ASAP2: variants seen among roughly 807,000 people sequenced by gnomAD.
ASAP2 encodes the protein arf-GAP with SH3 domain, ANK repeat and PH domain-containing protein 2.
Under a neutral mutation model 131.4 loss-of-function variants are expected in ASAP2, and 45 were observed. The ratio of observed to expected loss-of-function variants is 0.34; its 90% CI spans 0.27 to 0.44. ASAP2 has a LOEUF of 0.44. Ranked by LOEUF, ASAP2 falls within the 20% of genes least tolerant of loss-of-function variation. The pLI, the probability that ASAP2 is intolerant of heterozygous loss-of-function variation, is 1.00. For synonymous variants in ASAP2, 510 were observed against 503.0 expected (o/e 1.01, Z -0.19); for missense variants, 1,011 against 1,297.0 (o/e 0.78, Z 3.39).
In ASAP2 at chr2:9,404,813, G is replaced by A. The variant is rs1261035742; in HGVS notation, c.*1486G>A. Reference sequence around the variant, plus strand: ...AGAACAAACTGGAATGTTTTATGATGTTGTATAGCAATCGCTTTTTACCTT... The same window carrying A: ...AGAACAAACTGGAATGTTTTATGATATTGTATAGCAATCGCTTTTTACCTT... On this transcript the variant is annotated 3_prime_UTR_variant, in exon 28 of 28. Transcript: ENST00000281419. 2 of 151,632 alleles carry A rather than the reference G, an allele frequency of 1.3e-5. No homozygotes were observed. The highest frequency in any genetic ancestry group is 2.0e-4 in the East Asian group (1 of 5,124). 9.4% of individuals were successfully genotyped at this position (151,632 alleles called of 1,614,324 possible).
At position 9,395,594 on chromosome 2, in the gene ASAP2, C is replaced by T. The variant is rs1305230969; in HGVS notation, c.2684+1947C>T. Among the ~76,000 whole-genome samples the T allele has an allele frequency of 6.6e-3, 388 of 58,560 alleles. 1 individual carries two copies. Among genetic ancestry groups the T allele is most frequent in the Middle Eastern group, 0.028 (2 of 72 alleles). The allele number at this position is 58,560 out of a possible 152,430, so 38.4% of individuals were successfully genotyped here. On this transcript the variant is annotated intron_variant, in intron 24 of 27. Transcript: ENST00000281419. ...GTTTTGTTTTTCTTGTGTTTTTTTT[C>T]TTTTTTTTTTTTTTTTTTTTTTTTT...
At chr2:9,289,476 A>G (rs894163959) in intron 2 of ASAP2, among the ~76,000 whole-genome samples, 2 of 152,190 alleles carry the variant, frequency 1.3e-5, no homozygotes, top group African/African-American at 4.8e-5. Flanking sequence ...GAAGCACACA[A>G]TGAATGAATA....
At position 9,237,412 on chromosome 2, in the gene ASAP2, G is replaced by GTT. The variant is rs1663628754; in HGVS notation, c.126+30183_126+30184insTT. Among the ~76,000 whole-genome samples, 4 of 137,548 alleles carry GTT rather than the reference G, an allele frequency of 2.9e-5. No homozygotes were observed. The South Asian group carries it at 9.1e-4, about 31-fold the overall frequency. The allele number at this position is 137,548 out of a possible 152,430, so 90.2% of individuals were successfully genotyped here. A position where few individuals can be genotyped will look rare whatever the true frequency, so the allele number is the denominator to read the frequency against. On this transcript the variant is annotated intron_variant, in intron 1 of 27. Coordinates refer to ENST00000281419, the MANE Select transcript of ASAP2 (RefSeq NM_003887.3). ...TAGGAAGCACCCACTGGGTCTTTTGGTCTTTTTTTTTTTTTTTTTGACAGA... is the reference window on the plus strand; with the variant it reads ...TAGGAAGCACCCACTGGGTCTTTTGGTTTCTTTTTTTTTTTTTTTTTGACAGA...
intron 24 of ASAP2, chr2:9,399,457 C>T (rs528862077): frequency 1.3e-5 from 2 of 153,294 alleles, no homozygotes; most frequent in South Asian, 2.1e-4. Context: ...TGAGGGACCC[C>T]TCTCTGCCAG....
chr2:9,233,468 G>A (rs919523720), intron 1 of ASAP2, among the ~76,000 whole-genome samples: 1 of 152,110 alleles, frequency 6.6e-6, no homozygotes, highest in Non-Finnish European at 1.5e-5. Context: ...TACTTTTTAA[G>A]TAACACTTAC....
At position 9,401,255 on chromosome 2, in the gene ASAP2, G is replaced by T; in HGVS notation, c.2824-19G>T. ...GAGGCCTGCAGCCACACTAACCGTT[G>T]TTCCCTCTCCTGACCCAGACCAAGT... is the stretch of plus-strand genomic sequence containing the variant. On this transcript the variant is annotated intron_variant, in intron 26 of 27. Coordinates refer to ENST00000281419, the MANE Select transcript of ASAP2 (RefSeq NM_003887.3). The T allele has an allele frequency of 6.2e-7, 1 of 1,613,242 alleles. No individual in the cohort carries two copies. Among genetic ancestry groups the T allele is most frequent in the Non-Finnish European group, 8.5e-7 (1 of 1,179,824 alleles).
chr2:9,376,758 T>TA (rs1244084686), intron 17 of ASAP2, 150 bp from the exon 18 acceptor site: 11 of 675,490 alleles, frequency 1.6e-5, no homozygotes, highest in Middle Eastern at 2.6e-4. Context: ...AGAGCTTGTG[T>TA]AGAGATTAAA....
At chr2:9,289,173 G>A (rs557058409) in intron 2 of ASAP2, among the ~76,000 whole-genome samples, 1 of 152,142 alleles carries the variant, frequency 6.6e-6, no homozygotes, top group Non-Finnish European at 1.5e-5. Flanking sequence ...GCTGCTCTCC[G>A]TTACCTGGGA....
intron 3 of ASAP2, among the ~76,000 whole-genome samples, chr2:9,314,235 C>T (rs866104629): frequency 7.2e-5 from 11 of 152,160 alleles, no homozygotes; most frequent in African/African-American, 2.4e-4. Flanking sequence ...CTGCCTGCCT[C>T]GGCCTCCCAA....
intron 2 of ASAP2, among the ~76,000 whole-genome samples, chr2:9,285,594 C>G (rs971283788): frequency 1.3e-5 from 2 of 152,186 alleles, no homozygotes; most frequent in Non-Finnish European, 2.9e-5. Context: ...TTATTTTAAA[C>G]TCTTACTTGT....
At chr2:9,222,433 C>T (rs77493731) in intron 1 of ASAP2, among the ~76,000 whole-genome samples, 2,857 of 152,244 alleles carry the variant, frequency 0.019, 69 homozygotes, top group African/African-American at 0.059. Flanking sequence ...TCTCTGCAAC[C>T]GCAAACCCTT....
chr2:9,308,535 T>C (rs564660814), intron 3 of ASAP2, among the ~76,000 whole-genome samples: 2 of 152,284 alleles, frequency 1.3e-5, no homozygotes, highest in South Asian at 4.1e-4. Flanking sequence ...CCTGACGGGC[T>C]GCTCTGTGTA....
chr2:9,326,552 A>T (rs1670491891), intron 6 of ASAP2, among the ~76,000 whole-genome samples: 1 of 152,224 alleles, frequency 6.6e-6, no homozygotes, highest in South Asian at 2.1e-4. Context: ...AATATATATA[A>T]AAGGAATTAA....
At position 9,281,156 on chromosome 2, in the gene ASAP2, C is replaced by T. The variant is rs141142654; in HGVS notation, c.199+1767C>T. Among the ~76,000 whole-genome samples the T allele has an allele frequency of 6.7e-6, 1 of 149,738 alleles. No individual in the cohort carries two copies. The highest frequency in any genetic ancestry group is 1.5e-5 in the Non-Finnish European group (1 of 67,356). On this transcript the variant is annotated intron_variant, in intron 2 of 27. Transcript: ENST00000281419. This position sits in a 1 kb window ranked among gnomAD's most constrained non-coding sequence, Gnocchi z 4.0. ...TGGAAGATTTTTTTTTTTTTTACTG[C>T]GTTCACTTGGACTTTTTGAGTTTAT...
At chr2:9,221,225 A>G (rs1213161828) in intron 1 of ASAP2, among the ~76,000 whole-genome samples, 1 of 152,082 alleles carries the variant, frequency 6.6e-6, no homozygotes, top group Non-Finnish European at 1.5e-5. Context: ...GGTTATGTTG[A>G]CACTGTAGTT....
intron 24 of ASAP2, among the ~76,000 whole-genome samples, chr2:9,397,225 C>T (rs920100879): frequency 3.3e-5 from 5 of 152,156 alleles, no homozygotes; most frequent in East Asian, 1.9e-4. Context: ...AAACAAATCA[C>T]GTGTTGAAGT....
intron 12 of ASAP2, among the ~76,000 whole-genome samples, chr2:9,354,890 G>T (rs1465420002): frequency 6.6e-6 from 1 of 152,190 alleles, no homozygotes; most frequent in Admixed American, 6.5e-5. Flanking sequence ...GATGTTCGTT[G>T]TGTTTCCCTA....
chr2:9,334,658 T>C (rs1671079854), intron 7 of ASAP2, 80 bp from the exon 8 acceptor site: 37 of 1,331,948 alleles, frequency 2.8e-5, no homozygotes, highest in East Asian at 4.6e-5. Flanking sequence ...TCAGTCACTT[T>C]AAAGAAGTTT....
At chr2:9,346,517 A>G (rs1050786119) in intron 11 of ASAP2, among the ~76,000 whole-genome samples, 1 of 152,108 alleles carries the variant, frequency 6.6e-6, no homozygotes, top group East Asian at 1.9e-4. Flanking sequence ...AAATTTATCC[A>G]GCTATCACTG....
Sources: allele counts gnomAD v4.1 joint callset (sites outside exome capture counted in the v4.1 genomes callset), GRCh38; gene constraint gnomAD v4.1.1; non-coding constraint Gnocchi (gnomAD v3.1); transcripts MANE v1.5; gene names NCBI Gene and HGNC (gene_info 2026-07-23, HGNC 2026-07-21).